The following MAP7D2 variants were observed in gnomAD, a reference collection of about 807,000 sequenced individuals.
MAP7D2 encodes MAP7 domain containing 2.
In MAP7D2, 33 loss-of-function variants were observed where a neutral mutation model predicts 63.5. The observed-to-expected ratio is 0.52, with a 90% CI of 0.39 to 0.70. The LOEUF is 0.70. MAP7D2 is among the 30% of genes least tolerant of loss of function. MAP7D2 has a pLI of 0.00. For synonymous variants in MAP7D2, 224 were observed against 223.7 expected (o/e 1.00, Z -0.01); for missense variants, 626 against 604.0 (o/e 1.04, Z -0.38).
chrX:20,087,689 A>G (rs1209317018), intron 1 of MAP7D2, among the ~76,000 whole-genome samples: 3 of 111,634 alleles, frequency 2.7e-5, no homozygotes, highest in Non-Finnish European at 5.6e-5. Flanking sequence ...TTCAGAAATT[A>G]CAGTATTTCA....
At position 20,007,835 on chromosome X, in the gene MAP7D2, G is replaced by A. The variant is rs1387125219; in HGVS notation, c.*590C>T. On this transcript the variant is annotated 3_prime_UTR_variant, in exon 17 of 17. Transcript: ENST00000379643. ...ACTACTTTAACCCCAGAAGAATAAT[G>A]TGGGGCAATGCATTTCTGCAGGTGG... 1 of 112,054 alleles carries A rather than the reference G, an allele frequency of 8.9e-6. No homozygotes were observed. The allele number at this position is 112,054 out of a possible 1,213,427, so 9.2% of individuals were successfully genotyped here. A position where few individuals can be genotyped will look rare whatever the true frequency, so the allele number is the denominator to read the frequency against.
intron 1 of MAP7D2, among the ~76,000 whole-genome samples, chrX:20,087,704 CAT>C (rs1459902033): frequency 9.0e-6 from 1 of 111,249 alleles, no homozygotes; most frequent in Non-Finnish European, 1.9e-5. Flanking sequence ...ATTTCAGACA[CAT>C]GTGACTATTA....
intron 1 of MAP7D2, among the ~76,000 whole-genome samples, chrX:20,103,600 T>C (rs1228621076): frequency 8.9e-6 from 1 of 112,344 alleles, no homozygotes; most frequent in African/African-American, 3.2e-5. Flanking sequence ...TTCCTGATCC[T>C]AATCTGTCGA....
chrX:20,077,438 A>G (rs2065674451), intron 1 of MAP7D2, among the ~76,000 whole-genome samples: 1 of 111,918 alleles, frequency 8.9e-6, no homozygotes, highest in Non-Finnish European at 1.9e-5. Context: ...GGGCATCAGA[A>G]TAAGACTCTG....
intron 1 of MAP7D2, among the ~76,000 whole-genome samples, chrX:20,099,552 A>G: frequency 8.9e-6 from 1 of 111,958 alleles, no homozygotes; most frequent in Middle Eastern, 4.6e-3. Context: ...GTCCAGGGGC[A>G]TTGGAAATTC....
intron 1 of MAP7D2, among the ~76,000 whole-genome samples, chrX:20,067,382 T>A (rs1252311813): frequency 8.9e-6 from 1 of 112,119 alleles, no homozygotes; most frequent in Non-Finnish European, 1.9e-5. Context: ...TGGACACACA[T>A]GAGAGTCACA....
At chrX:20,033,962 C>T (rs1217254549) in intron 8 of MAP7D2, among the ~76,000 whole-genome samples, 1 of 111,355 alleles carries the variant, frequency 9.0e-6, no homozygotes, top group East Asian at 2.8e-4. Context: ...CGGTGGCTCA[C>T]ACCTGTAATC....
chrX:20,113,030 G>C (rs2066789610), intron 1 of MAP7D2, among the ~76,000 whole-genome samples: 1 of 111,935 alleles, frequency 8.9e-6, no homozygotes, highest in East Asian at 2.8e-4. Flanking sequence ...ACTTTGAGCA[G>C]CTATGTCACC....
At chrX:20,013,537 T>A in intron 13 of MAP7D2, 32 bp downstream of exon 13, 1 of 1,127,558 alleles carries the variant, frequency 8.9e-7, no homozygotes, top group Non-Finnish European at 1.2e-6. Flanking sequence ...ACTTAGTACA[T>A]AAACTATTAA....
intron 1 of MAP7D2, among the ~76,000 whole-genome samples, chrX:20,107,185 C>T (rs1360141785): frequency 9.0e-6 from 1 of 110,836 alleles, no homozygotes; most frequent in African/African-American, 3.3e-5. Context: ...CCTGGTTTCA[C>T]ACAGGGGAAG....
chrX:20,055,811 G>A, intron 4 of MAP7D2: 1 of 991,490 alleles, frequency 1.0e-6, no homozygotes, highest in South Asian at 2.0e-5. Flanking sequence ...TAGAGGAGGG[G>A]GTGGGGTATT....
At chrX:20,074,086 G>A (rs1388734753) in intron 1 of MAP7D2, among the ~76,000 whole-genome samples, 1 of 104,577 alleles carries the variant, frequency 9.6e-6, no homozygotes, top group African/African-American at 3.5e-5. Flanking sequence ...GGTGAGCCAT[G>A]ACTGCGCCAT....
chrX:20,055,754 G>A (rs1359251749), intron 4 of MAP7D2: 1 of 999,305 alleles, frequency 1.0e-6, no homozygotes, highest in Non-Finnish European at 1.3e-6. Flanking sequence ...CTCGGCAGCT[G>A]CGGCAGTGGT....
chrX:20,065,329 C>T (rs944290324), intron 1 of MAP7D2, among the ~76,000 whole-genome samples: 3 of 104,093 alleles, frequency 2.9e-5, no homozygotes, highest in African/African-American at 1.1e-4. Context: ...TGCGGTGGCG[C>T]GACCTTGGCT....
chrX:20,099,550 G>C (rs1448235134), intron 1 of MAP7D2, among the ~76,000 whole-genome samples: 1 of 111,748 alleles, frequency 8.9e-6, no homozygotes, highest in Non-Finnish European at 1.9e-5. Flanking sequence ...GTGTCCAGGG[G>C]CATTGGAAAT....
chrX:20,011,155 AAAG>A lies in MAP7D2; in HGVS notation c.2073-106_2073-104del, dbSNP rs1348599944. The A allele has an allele frequency of 4.2e-5, 36 of 857,381 alleles. No individual in the cohort carries two copies. The South Asian group carries it at 6.3e-4, about 15-fold the overall frequency. 70.7% of individuals were successfully genotyped at this position (857,381 alleles called of 1,213,427 possible). ...CAATATTTTGTTTTACTACTCTTCT[AAAG>A]AAGAAGGATTTAGAGTCAGAGTTTT... On this transcript the variant is annotated intron_variant, in intron 15 of 16. Coordinates refer to ENST00000379643, the MANE Select transcript of MAP7D2 (RefSeq NM_001168465.2).
At chrX:20,077,859 G>T (rs141101502) in intron 1 of MAP7D2, among the ~76,000 whole-genome samples, 2,525 of 112,078 alleles carry the variant, frequency 0.023, 73 homozygotes, top group African/African-American at 0.077. Flanking sequence ...CTCATCTTCT[G>T]CAAAGAGTAT....
chrX:20,042,117 T>C (rs1466148292), intron 8 of MAP7D2, among the ~76,000 whole-genome samples: 5 of 111,381 alleles, frequency 4.5e-5, no homozygotes, highest in African/African-American at 1.6e-4. Flanking sequence ...TTATTGTCTC[T>C]CTATTAAAGA....
intron 1 of MAP7D2, among the ~76,000 whole-genome samples, chrX:20,092,262 T>C (rs2066089033): frequency 9.0e-6 from 1 of 110,995 alleles, no homozygotes; most frequent in Admixed American, 9.6e-5. Flanking sequence ...AATAACAGTG[T>C]TGGGGCTCAG....
Sources: allele counts gnomAD v4.1 joint callset (sites outside exome capture counted in the v4.1 genomes callset), GRCh38; gene constraint gnomAD v4.1.1; transcripts MANE v1.5; gene names NCBI Gene and HGNC (gene_info 2026-07-23, HGNC 2026-07-21).